Variants in MB21D2 observed in about 807,000 individuals in gnomAD.
The protein encoded by MB21D2 is nucleotidyltransferase MB21D2.
A neutral mutation model predicts 33.3 loss-of-function variants in MB21D2; 9 were observed. The observed-to-expected ratio is 0.27, with a 90% CI of 0.16 to 0.47. The LOEUF (loss-of-function observed/expected upper bound fraction) is 0.47. Among genes scored for constraint, MB21D2 ranks in the 20% least tolerant of loss-of-function variants. The pLI is 0.99. For missense variants in MB21D2, 540 were observed against 624.6 expected (o/e 0.86, Z 1.44); for synonymous variants, 241 against 236.3 (o/e 1.02, Z -0.18).
At chr3:192,894,165 G>A (rs1168000398) in intron 1 of MB21D2, among the ~76,000 whole-genome samples, 1 of 151,984 alleles carries the variant, frequency 6.6e-6, no homozygotes, top group African/African-American at 2.4e-5. Context: ...GTCTCGCTCT[G>A]TCACCCAGGC....
intron 1 of MB21D2, among the ~76,000 whole-genome samples, chr3:192,893,572 C>T (rs1713900928): frequency 6.6e-6 from 1 of 152,188 alleles, no homozygotes; most frequent in African/African-American, 2.4e-5. Context: ...GAAAACATCG[C>T]ATTTCCTCAA....
chr3:192,912,461 G>C (rs140316427), intron 1 of MB21D2, among the ~76,000 whole-genome samples: 2 of 152,160 alleles, frequency 1.3e-5, no homozygotes, highest in Non-Finnish European at 2.9e-5. Flanking sequence ...CTGAGGTCAG[G>C]AGTTCTAGAC....
chr3:192,848,587 G>A (rs984458070), intron 1 of MB21D2, among the ~76,000 whole-genome samples: 3 of 152,080 alleles, frequency 2.0e-5, no homozygotes, highest in African/African-American at 4.8e-5. Flanking sequence ...CCACTATTTC[G>A]CAGACTAACA....
At position 192,913,875 on chromosome 3, in the gene MB21D2, G is replaced by A. The variant is rs988166752; in HGVS notation, c.211+3755C>T. Among the ~76,000 whole-genome samples the A allele has an allele frequency of 3.9e-5, 6 of 152,032 alleles. No individual in the cohort carries two copies. In the South Asian group the frequency reaches 1.0e-3, roughly 26 times the overall value. On this transcript the variant is annotated intron_variant, in intron 1 of 1. Coordinates refer to ENST00000392452, the MANE Select transcript of MB21D2 (RefSeq NM_178496.4). ...TACTAAGACCACAAAGCCAACAAGA[G>A]GCAGACTGGGAATGAAACTATAGAT...
chr3:192,867,543 T>G lies in MB21D2; in HGVS notation c.211+50087A>C, dbSNP rs79109292. Among the ~76,000 whole-genome samples the G allele has an allele frequency of 3.6e-3, 543 of 152,314 alleles. 1 individual carries two copies. Among genetic ancestry groups the G allele is most frequent in the African/African-American group, 0.012 (517 of 41,576 alleles). ...AGGTTTCTGTCCTGGTTGCTGTTTT[T>G]TATTTCTAAAGAGAGGGCTCAGAGA... On this transcript the variant is annotated intron_variant, in intron 1 of 1. Coordinates refer to ENST00000392452, the MANE Select transcript of MB21D2 (RefSeq NM_178496.4).
intron 1 of MB21D2, among the ~76,000 whole-genome samples, chr3:192,859,415 G>A (rs1190535602): frequency 6.6e-6 from 1 of 151,970 alleles, no homozygotes. Context: ...GATGAGGAGC[G>A]GGGGAAGAAG....
At chr3:192,830,359 G>A (rs974453422) in intron 1 of MB21D2, among the ~76,000 whole-genome samples, 1 of 151,924 alleles carries the variant, frequency 6.6e-6, no homozygotes, top group East Asian at 1.9e-4. Context: ...TTCATTTTAA[G>A]CACTGTTTAG....
intron 1 of MB21D2, among the ~76,000 whole-genome samples, chr3:192,890,865 A>T (rs1002811560): frequency 3.3e-5 from 5 of 152,098 alleles, no homozygotes; most frequent in Admixed American, 2.6e-4. Flanking sequence ...AGGTCCACGC[A>T]GAGACATGGG....
chr3:192,867,660 T>G (rs1424803161), intron 1 of MB21D2, among the ~76,000 whole-genome samples: 1 of 152,214 alleles, frequency 6.6e-6, no homozygotes, highest in Non-Finnish European at 1.5e-5. Flanking sequence ...GAAAGATGGC[T>G]GCATGCATAT....
intron 1 of MB21D2, among the ~76,000 whole-genome samples, chr3:192,807,813 A>G (rs980925520): frequency 6.6e-6 from 1 of 152,180 alleles, no homozygotes; most frequent in Non-Finnish European, 1.5e-5. Flanking sequence ...CCCCCACTGC[A>G]TAATGCTGAT....
intron 1 of MB21D2, among the ~76,000 whole-genome samples, chr3:192,819,776 G>A (rs1327523125): frequency 2.6e-5 from 4 of 152,108 alleles, no homozygotes; most frequent in South Asian, 2.1e-4. Flanking sequence ...TTTACTTTTC[G>A]CCAACTGTAC....
At chr3:192,820,639 C>T (rs972443683) in intron 1 of MB21D2, among the ~76,000 whole-genome samples, 1 of 152,254 alleles carries the variant, frequency 6.6e-6, no homozygotes, top group East Asian at 1.9e-4. Flanking sequence ...ATTCCTCCGG[C>T]GTCCCGCCCC....
Position 192,799,125 on chromosome 3 carries a change from G to A in MB21D2, c.737C>T (p.Ala246Val). 1 of 1,614,176 alleles carries A rather than the reference G, an allele frequency of 6.2e-7. No homozygotes were observed. Among genetic ancestry groups the A allele is most frequent in the South Asian group, 1.1e-5 (1 of 91,086 alleles). ...CTCCATGAGCCAGCTCTGGGCCACT[G>A]CAGGCCAACCTTTGAAAGATACCAC... ...VPVVSFKGWP[A>V]VAQSWLMENH... is the part of the protein sequence containing the mutation. Residue 246 changes from alanine to valine, a missense_variant, in exon 2 of 2, where the codon GCA (alanine) becomes GTA (valine). Coordinates refer to ENST00000392452, the MANE Select transcript of MB21D2 (RefSeq NM_178496.4). This position sits in a 1 kb window ranked among gnomAD's most constrained non-coding sequence, Gnocchi z 4.1.
At chr3:192,894,170 C>T (rs1218566020) in intron 1 of MB21D2, among the ~76,000 whole-genome samples, 2 of 151,878 alleles carry the variant, frequency 1.3e-5, no homozygotes, top group African/African-American at 4.8e-5. Flanking sequence ...GCTCTGTCAC[C>T]CAGGCTGTAG....
chr3:192,824,492 A>AAAAT (rs61642372), intron 1 of MB21D2, among the ~76,000 whole-genome samples: 26,337 of 147,418 alleles, frequency 0.18, 3,462 homozygotes, highest in African/African-American at 0.37. Context: ...CTGATTTCTG[A>AAAAT]AAATAAATAA....
intron 1 of MB21D2, among the ~76,000 whole-genome samples, chr3:192,846,303 A>T (rs1199517991): frequency 6.6e-6 from 1 of 152,238 alleles, no homozygotes; most frequent in Non-Finnish European, 1.5e-5. Flanking sequence ...AAACAAGAGT[A>T]ATAACATTAA....
chr3:192,905,269 A>C (rs935548150), intron 1 of MB21D2, among the ~76,000 whole-genome samples: 1 of 152,052 alleles, frequency 6.6e-6, no homozygotes, highest in African/African-American at 2.4e-5. Flanking sequence ...GGGGTAGAAA[A>C]GCTGTTGTTT....
chr3:192,905,424 G>A (rs1714188467), intron 1 of MB21D2, among the ~76,000 whole-genome samples: 2 of 151,954 alleles, frequency 1.3e-5, no homozygotes, highest in Admixed American at 1.3e-4. Flanking sequence ...GGATCACGAG[G>A]TCAGGAGTTC....
At chr3:192,869,299 G>GAGGAGGGA (rs796985331) in intron 1 of MB21D2, among the ~76,000 whole-genome samples, 4,293 of 116,268 alleles carry the variant, frequency 0.037, 288 homozygotes, top group East Asian at 0.21. Context: ...GGGAGGAGGG[G>GAGGAGGGA]AGGAGGGAAG....
Sources: allele counts gnomAD v4.1 joint callset (sites outside exome capture counted in the v4.1 genomes callset), GRCh38; gene constraint gnomAD v4.1.1; non-coding constraint Gnocchi (gnomAD v3.1); transcripts MANE v1.5; gene names NCBI Gene and HGNC (gene_info 2026-07-23, HGNC 2026-07-21).